Variants in ZNF407 observed in about 807,000 individuals in gnomAD.
ZNF407 encodes the protein zinc finger protein 407.
Under a neutral mutation model 131.2 loss-of-function variants are expected in ZNF407, and 17 were observed. The observed-to-expected ratio is 0.13, with a 90% CI of 0.09 to 0.19. The LOEUF is 0.19. Ranked by LOEUF, ZNF407 falls within the 10% of genes least tolerant of loss-of-function variation. The pLI, the probability that ZNF407 is intolerant of heterozygous loss-of-function variation, is 1.00. For missense variants in ZNF407, 2,681 were observed against 2,830.6 expected, an observed-to-expected ratio of 0.95 and a Z score of 1.20; for synonymous variants, 1,156 against 1,062.0, an observed-to-expected ratio of 1.09 and a Z score of -1.72.
chr18:74,654,679 T>A (rs1246296782), intron 3 of ZNF407, among the ~76,000 whole-genome samples: 1 of 151,844 alleles, frequency 6.6e-6, no homozygotes, highest in African/African-American at 2.4e-5. Flanking sequence ...TAATATATCT[T>A]TACAAATTTG....
At chr18:74,810,921 C>A (rs1370800941) in intron 4 of ZNF407, among the ~76,000 whole-genome samples, 1 of 152,142 alleles carries the variant, frequency 6.6e-6, no homozygotes, top group South Asian at 2.1e-4. Context: ...TAGGCATTGC[C>A]ATTCAGGACA....
chr18:74,757,775 C>T (rs1232916721), intron 3 of ZNF407, among the ~76,000 whole-genome samples: 1 of 152,002 alleles, frequency 6.6e-6, no homozygotes, highest in Non-Finnish European at 1.5e-5. Flanking sequence ...ATTTCTGCTT[C>T]ATTTCTATAA....
At chr18:74,783,949 C>T (rs1186870337) in intron 4 of ZNF407, among the ~76,000 whole-genome samples, 1 of 152,200 alleles carries the variant, frequency 6.6e-6, no homozygotes, top group Non-Finnish European at 1.5e-5. Flanking sequence ...ACCCCAGCAG[C>T]AGTATAATTT....
At chr18:74,730,272 C>G (rs535764) in intron 3 of ZNF407, among the ~76,000 whole-genome samples, 17 of 152,198 alleles carry the variant, frequency 1.1e-4, no homozygotes, top group Admixed American at 7.9e-4. Flanking sequence ...TAATATTCTC[C>G]CTGTAATGGC....
chr18:74,934,847 T>G (rs1675628953), intron 8 of ZNF407, among the ~76,000 whole-genome samples: 2 of 152,204 alleles, frequency 1.3e-5, no homozygotes, highest in Admixed American at 1.3e-4. Flanking sequence ...ATAAATGTCT[T>G]GGAATGATTA....
chr18:74,902,232 T>C (rs1559793), intron 7 of ZNF407, among the ~76,000 whole-genome samples: 89,904 of 152,114 alleles, frequency 0.59, 28,965 homozygotes, highest in Non-Finnish European at 0.72. Context: ...ATAGGGACCG[T>C]GCCTGGGCCG....
intron 3 of ZNF407, among the ~76,000 whole-genome samples, chr18:74,775,760 C>T (rs1259685447): frequency 2.0e-5 from 3 of 152,182 alleles, no homozygotes; most frequent in Non-Finnish European, 4.4e-5. Flanking sequence ...GTAGAGGAAG[C>T]ATCGTCCTGG....
chr18:74,771,067 A>T (rs2145000534), intron 3 of ZNF407, among the ~76,000 whole-genome samples: 1 of 152,294 alleles, frequency 6.6e-6, no homozygotes, highest in South Asian at 2.1e-4. Flanking sequence ...TGTATTTGAA[A>T]CAAGTTGCTT....
intron 1 of ZNF407, among the ~76,000 whole-genome samples, chr18:74,627,754 G>C (rs774926316): frequency 4.0e-5 from 6 of 148,760 alleles, no homozygotes; most frequent in Non-Finnish European, 7.4e-5. Flanking sequence ...GTAAAGAAAT[G>C]TTTGTTTGTT....
intron 3 of ZNF407, among the ~76,000 whole-genome samples, chr18:74,742,847 T>C (rs1355303962): frequency 6.6e-6 from 1 of 152,130 alleles, no homozygotes; most frequent in East Asian, 1.9e-4. Context: ...TGTGGTTACC[T>C]TGTGCATAGG....
chr18:75,059,748 C>T (rs1973602628), intron 8 of ZNF407, among the ~76,000 whole-genome samples: 1 of 152,042 alleles, frequency 6.6e-6, no homozygotes, highest in Admixed American at 6.6e-5. Flanking sequence ...GTGGGCGCCA[C>T]CCTCTTGAGG....
intron 8 of ZNF407, among the ~76,000 whole-genome samples, chr18:74,956,942 T>C (rs1292095106): frequency 6.6e-6 from 1 of 152,194 alleles, no homozygotes; most frequent in Non-Finnish European, 1.5e-5. Flanking sequence ...TTGAGAAATA[T>C]TGTCAAGCAG....
At chr18:74,607,048 T>G in intron 1 of ZNF407, among the ~76,000 whole-genome samples, 1 of 152,232 alleles carries the variant, frequency 6.6e-6, no homozygotes, top group East Asian at 1.9e-4. Flanking sequence ...CTAGGAAAGC[T>G]GTGCCCTACA....
intron 8 of ZNF407, among the ~76,000 whole-genome samples, chr18:74,923,224 T>G (rs954438532): frequency 6.6e-6 from 1 of 152,090 alleles, no homozygotes; most frequent in Non-Finnish European, 1.5e-5. Context: ...CAAAAGTGGT[T>G]TCTTTATTTT....
chr18:74,806,486 A>G (rs1437854845), intron 4 of ZNF407, among the ~76,000 whole-genome samples: 2 of 152,150 alleles, frequency 1.3e-5, no homozygotes, highest in African/African-American at 4.8e-5. Flanking sequence ...CTTTATTTCC[A>G]TGGACATAGC....
At chr18:74,782,285 A>G (rs946357676) in intron 4 of ZNF407, among the ~76,000 whole-genome samples, 4 of 152,180 alleles carry the variant, frequency 2.6e-5, no homozygotes, top group Admixed American at 1.3e-4. Context: ...ACTGTTTTCA[A>G]AAGTCACTAG....
At chr18:75,040,214 A>AC (rs1368809490) in intron 8 of ZNF407, among the ~76,000 whole-genome samples, 1 of 152,150 alleles carries the variant, frequency 6.6e-6, no homozygotes, top group African/African-American at 2.4e-5. Flanking sequence ...GCCTAAAGGA[A>AC]TTTTTGTCAC....
chr18:74,800,298 GTGCATTCCCCTGCTTTTGAGTT>G (rs1568221388), intron 4 of ZNF407, among the ~76,000 whole-genome samples: 1 of 151,924 alleles, frequency 6.6e-6, no homozygotes, highest in Non-Finnish European at 1.5e-5. Context: ...TGCTAATTTT[GTGCATTCCCCTGCTTTTGAGTT>G]TGCTGATTAG....
At chr18:74,755,796 T>TTTCA (rs1390602483) in intron 3 of ZNF407, among the ~76,000 whole-genome samples, 1 of 141,290 alleles carries the variant, frequency 7.1e-6, no homozygotes, top group African/African-American at 2.7e-5. Context: ...TCCTTCCTTC[T>TTTCA]TTCATTCATT....
Sources: gnomAD v4.1 joint callset for allele counts (sites outside exome capture counted in the v4.1 genomes callset) on GRCh38, gnomAD v4.1.1 for gene constraint, MANE v1.5 for transcripts, NCBI Gene and HGNC (gene_info 2026-07-23, HGNC 2026-07-21) for gene names.